The following SPINK6 variants were observed in gnomAD, a reference collection of about 807,000 sequenced individuals.
SPINK6 encodes the protein serine protease inhibitor Kazal-type 6.
Under a neutral mutation model 11.7 loss-of-function variants are expected in SPINK6, and 13 were observed. The ratio of observed to expected loss-of-function variants is 1.11; its 90% confidence interval spans 0.72 to 1.76. The LOEUF (loss-of-function observed/expected upper bound fraction) is 1.76, where lower values mean the gene tolerates loss of function less well. Ranked by LOEUF, SPINK6 falls within the 40% of genes most tolerant of loss-of-function variation. The pLI, the probability that SPINK6 is intolerant of heterozygous loss-of-function variation, is 0.00. For synonymous variants in SPINK6, 21 were observed against 31.9 expected, an observed-to-expected ratio of 0.66 and a Z score of 1.15; for missense variants, 98 against 93.7, an observed-to-expected ratio of 1.05 and a Z score of -0.19.
At chr5:148,208,725 A>T (rs1404527949) in intron 2 of SPINK6, among the ~76,000 whole-genome samples, 1 of 152,234 alleles carries the variant, frequency 6.6e-6, no homozygotes, top group Non-Finnish European at 1.5e-5. Flanking sequence ...TAACAATAAG[A>T]GTAAAATAAA....
chr5:148,206,210 T>TAA lies in SPINK6; in HGVS notation c.81+154_81+155dup. The stretch of plus-strand genomic sequence containing the variant: ...TCAGCAGAAATTATTATTCTTTAAC[T>TAA]AAACTCTTGTCAGTTTAAAAGAACC... On this transcript the variant is annotated intron_variant, in intron 2 of 3. Transcript: ENST00000325630. The TAA allele has an allele frequency of 4.2e-6, 3 of 709,218 alleles. No individual in the cohort carries two copies. The Admixed American group carries it at 8.1e-5, about 19-fold the overall frequency. The allele number at this position is 709,218 out of a possible 1,614,324, so 43.9% of individuals were successfully genotyped here.
chr5:148,212,213 A>G (rs1755607377), intron 2 of SPINK6, among the ~76,000 whole-genome samples: 1 of 151,990 alleles, frequency 6.6e-6, no homozygotes, highest in South Asian at 2.1e-4. Flanking sequence ...AATAATTATT[A>G]ATCAGTCATA....
rs1581144576 is a variant in SPINK6 at position 148,214,118 on chromosome 5, A to C, written c.197+93A>C. On this transcript the variant is annotated intron_variant, in intron 3 of 3. Transcript: ENST00000325630. ...TTTCGAGGTATTATAGAAAACACCC[A>C]TACCTCCCCATAGAGACTGAAGAAA... 1.0e-5 allele frequency: 7 copies of C among 672,204 alleles called. No individual in the cohort carries two copies. The East Asian group carries it at 2.0e-4, about 19-fold the overall frequency. The allele number at this position is 672,204 out of a possible 1,614,324, so 41.6% of individuals were successfully genotyped here.
chr5:148,205,984 C>A (rs1755492789), intron 1 of SPINK6, 52 bp from the exon 2 acceptor site: 1 of 1,603,716 alleles, frequency 6.2e-7, no homozygotes, highest in East Asian at 2.2e-5. Context: ...GAAAATTTCA[C>A]TTTTTGTACA....
chr5:148,212,583 A>ATTTATAT (rs1554112588), intron 2 of SPINK6, among the ~76,000 whole-genome samples: 1 of 102,162 alleles, frequency 9.8e-6, no homozygotes, highest in African/African-American at 4.4e-5. Context: ...TATATTATAT[A>ATTTATAT]AATATATTTT....
At chr5:148,204,453 C>G (rs1433302744) in intron 1 of SPINK6, among the ~76,000 whole-genome samples, 5 of 149,506 alleles carry the variant, frequency 3.3e-5, no homozygotes, top group African/African-American at 5.0e-5. Flanking sequence ...TTGACTAATA[C>G]AGTTTACCAA....
At chr5:148,210,007 C>CATTCACACGTACGTATGT (rs1554112271) in intron 2 of SPINK6, among the ~76,000 whole-genome samples, 1 of 105,730 alleles carries the variant, frequency 9.5e-6, no homozygotes, top group Non-Finnish European at 1.8e-5. Flanking sequence ...CGTATGTATA[C>CATTCACACGTACGTATGT]ATGTATGTAC....
chr5:148,214,037 ATT>A lies in SPINK6; in HGVS notation c.197+13_197+14del, dbSNP rs771884868. Reference sequence around the variant, plus strand: ...TGTAAGGCCATAGTGTAAGTATTATATTCATCAAAGCTGACCCTTGCAAACAC... The same window carrying A: ...TGTAAGGCCATAGTGTAAGTATTATACATCAAAGCTGACCCTTGCAAACAC... On this transcript the variant is annotated intron_variant, in intron 3 of 3. Transcript: ENST00000325630. 3 of 1,510,866 alleles carry A rather than the reference ATT, an allele frequency of 2.0e-6. No homozygotes were observed. The East Asian group carries it at 6.8e-5, about 34-fold the overall frequency. The allele number at this position is 1,510,866 out of a possible 1,614,324, so 93.6% of individuals were successfully genotyped here.
In SPINK6 at chr5:148,214,961, A is replaced by G. The variant is rs752558215; in HGVS notation, c.*11A>G. 7 of 1,613,538 alleles carry G rather than the reference A, an allele frequency of 4.3e-6. No individual in the cohort carries two copies. Among genetic ancestry groups the G allele is most frequent in the East Asian group, 2.2e-5 (1 of 44,826 alleles). ...CCTGGAAAATGCTGAGTTAAAGCCA[A>G]TGTTTCTTGGTGACTTGCCAGCTTT... is the stretch of plus-strand genomic sequence containing the variant. On this transcript the variant is annotated 3_prime_UTR_variant, in exon 4 of 4. Coordinates refer to ENST00000325630, the MANE Select transcript of SPINK6 (RefSeq NM_205841.4).
chr5:148,208,119 T>C (rs932285611), intron 2 of SPINK6, among the ~76,000 whole-genome samples: 12 of 152,198 alleles, frequency 7.9e-5, no homozygotes, highest in Non-Finnish European at 1.2e-4. Context: ...TTACTTGCTG[T>C]ATGACTTGAA....
In SPINK6 at chr5:148,210,007, C is replaced by CATACACACGTAAGTATGT. The variant is rs1554112271; in HGVS notation, c.82-3901_82-3900insACACACGTAAGTATGTAT. On this transcript the variant is annotated intron_variant, in intron 2 of 3. Transcript: ENST00000325630. ...ATGTATACATATACACGTATGTATA[C>CATACACACGTAAGTATGT]ATGTATGTACGCATGTACGCATGCA... Among the ~76,000 whole-genome samples, 4 of 105,724 alleles carry CATACACACGTAAGTATGT rather than the reference C, an allele frequency of 3.8e-5. 1 individual carries two copies. Among genetic ancestry groups the CATACACACGTAAGTATGT allele is most frequent in the Non-Finnish European group, 5.5e-5 (3 of 54,614 alleles). The allele number at this position is 105,724 out of a possible 152,430, so 69.4% of individuals were successfully genotyped here.
chr5:148,210,895 A>G (rs2113314548), intron 2 of SPINK6, among the ~76,000 whole-genome samples: 1 of 152,304 alleles, frequency 6.6e-6, no homozygotes, highest in African/African-American at 2.4e-5. Context: ...GGTAGCAATT[A>G]GGACAACAGA....
In SPINK6 at chr5:148,213,892, C is replaced by T. The variant is rs764894214; in HGVS notation, c.82-18C>T. On this transcript the variant is annotated intron_variant, in intron 2 of 3. Coordinates refer to ENST00000325630, the MANE Select transcript of SPINK6 (RefSeq NM_205841.4). ...TTAGAATGCACTGATGTCAATGTCA[C>T]TCTGCTTACTTTGGTAGGTTGACTG... 3 of 1,327,118 alleles carry T rather than the reference C, an allele frequency of 2.3e-6. No homozygotes were observed. In the Admixed American group the frequency reaches 5.0e-5, roughly 22 times the overall value. The allele number at this position is 1,327,118 out of a possible 1,614,324, so 82.2% of individuals were successfully genotyped here. A position where few individuals can be genotyped will look rare whatever the true frequency, so the allele number is the denominator to read the frequency against.
intron 2 of SPINK6, among the ~76,000 whole-genome samples, 176 bp downstream of exon 2, chr5:148,206,234 C>CTCATT (rs755576797): frequency 0.73 from 110,947 of 151,692 alleles, 42,913 homozygotes; most frequent in Non-Finnish European, 0.85. Context: ...TTTAAAAGAA[C>CTCATT]CTAACCACAC....
chr5:148,212,641 A>ATATATT (rs1755623661), intron 2 of SPINK6, among the ~76,000 whole-genome samples: 4 of 100,932 alleles, frequency 4.0e-5, no homozygotes, highest in African/African-American at 1.8e-4. Flanking sequence ...TATTATATAT[A>ATATATT]ATATAAATAT....
intron 2 of SPINK6, among the ~76,000 whole-genome samples, chr5:148,210,041 T>C (rs1254094695): frequency 2.9e-4 from 17 of 58,984 alleles, no homozygotes; most frequent in African/African-American, 5.1e-4. Context: ...CACAAACGTA[T>C]GTATGCATAT....
At chr5:148,212,599 A>AATATATAT (rs1561733728) in intron 2 of SPINK6, among the ~76,000 whole-genome samples, 268 of 103,620 alleles carry the variant, frequency 2.6e-3, no homozygotes, top group African/African-American at 9.9e-3. Flanking sequence ...ATTTTATATA[A>AATATATAT]TATATAATAT....
At chr5:148,202,807 A>C (rs1178466113), upstream of SPINK6, 1 of 296,550 alleles carries the variant, frequency 3.4e-6, no homozygotes, top group Non-Finnish European at 6.2e-6. Context: ...GTGAAACTTT[A>C]GAAAGAAGAG....
chr5:148,212,204 ATAATTAT>A (rs960520053), intron 2 of SPINK6, among the ~76,000 whole-genome samples: 1 of 151,992 alleles, frequency 6.6e-6, no homozygotes, highest in African/African-American at 2.4e-5. Context: ...GCCCATAATA[ATAATTAT>A]TAATCAGTCA....
Sources: gnomAD v4.1 joint callset for allele counts (sites outside exome capture counted in the v4.1 genomes callset) on GRCh38, gnomAD v4.1.1 for gene constraint, MANE v1.5 for transcripts, NCBI Gene and HGNC (gene_info 2026-07-23, HGNC 2026-07-21) for gene names.